ANKMY1: variants seen among roughly 807,000 people sequenced by gnomAD.
ANKMY1 encodes ankyrin repeat and MYND domain containing 1, also known as ankyrin repeat and MYND domain-containing protein 1.
Under a neutral mutation model 102.0 loss-of-function variants are expected in ANKMY1, and 98 were observed. The observed-to-expected ratio is 0.96, with a 90% CI of 0.82 to 1.14. The LOEUF (loss-of-function observed/expected upper bound fraction) is 1.14. Ranked by LOEUF, ANKMY1 falls within the 50% of genes most tolerant of loss-of-function variation. The pLI is 0.00. For missense variants in ANKMY1, 1,330 were observed against 1,347.6 expected (o/e 0.99, Z 0.20); for synonymous variants, 582 against 559.9 (o/e 1.04, Z -0.56).
At chr2:240,489,415 C>T (rs968948366) in intron 15 of ANKMY1, among the ~76,000 whole-genome samples, 6 of 151,762 alleles carry the variant, frequency 4.0e-5, no homozygotes, top group African/African-American at 1.5e-4. Context: ...TGAGATTGTG[C>T]CACTGCACTC....
upstream of ANKMY1, among the ~76,000 whole-genome samples, chr2:240,559,631 G>A (rs925865013): frequency 6.6e-6 from 1 of 152,242 alleles, no homozygotes; most frequent in South Asian, 2.1e-4. Context: ...TCCTAGGAAA[G>A]TTGGAGTCCT....
intron 15 of ANKMY1, among the ~76,000 whole-genome samples, chr2:240,496,430 A>C (rs2077281314): frequency 6.6e-6 from 1 of 151,838 alleles, no homozygotes; most frequent in Non-Finnish European, 1.5e-5. Flanking sequence ...GATGGTGTCC[A>C]CTTTCCCCTG....
chr2:240,515,167 C>T (rs759210747), intron 9 of ANKMY1, among the ~76,000 whole-genome samples: 17 of 152,154 alleles, frequency 1.1e-4, no homozygotes, highest in African/African-American at 3.1e-4. Context: ...ATCAAAAGTA[C>T]GTGGTTACAA....
chr2:240,484,722 G>A (rs1487017948), intron 15 of ANKMY1, among the ~76,000 whole-genome samples: 1 of 152,182 alleles, frequency 6.6e-6, no homozygotes, highest in East Asian at 1.9e-4. Context: ...TTAAAATAGG[G>A]CTTCTGCACA....
At chr2:240,534,649 A>C (rs972418637) in intron 4 of ANKMY1, among the ~76,000 whole-genome samples, 1 of 152,242 alleles carries the variant, frequency 6.6e-6, no homozygotes, top group Admixed American at 6.5e-5. Flanking sequence ...ACAGGGAGAT[A>C]TACTAATTCA....
the ANKMY1 span, among the ~76,000 whole-genome samples, chr2:240,471,394 G>A: frequency 6.6e-6 from 1 of 151,414 alleles, no homozygotes; most frequent in African/African-American, 2.4e-5. Context: ...AAGTAGCTGA[G>A]ATTACAAGAT....
At chr2:240,542,797 C>G (rs186715111) in intron 4 of ANKMY1, among the ~76,000 whole-genome samples, 2 of 149,358 alleles carry the variant, frequency 1.3e-5, no homozygotes, top group South Asian at 2.1e-4. Context: ...AATAAAAGAG[C>G]ACTTATAAAT....
chr2:240,553,211 C>T (rs1404204841), intron 3 of ANKMY1, 154 bp from the exon 4 acceptor site: 7 of 900,380 alleles, frequency 7.8e-6, no homozygotes, highest in South Asian at 3.4e-5. Context: ...CTATTAGAGT[C>T]GGCAACTGAA....
Position 240,524,446 on chromosome 2 carries a change from T to A in ANKMY1, c.1336-65A>T, listed in dbSNP as rs1012755831. The stretch of plus-strand genomic sequence containing the variant: ...GAGTGATAACCTCATTCTAGGACCT[T>A]CTTCAGCAAGGACCAATGCCCGTGG... On this transcript the variant is annotated intron_variant, in intron 7 of 17. Coordinates refer to ENST00000401804, the MANE Select transcript of ANKMY1 (RefSeq NM_001282771.3). 3.3e-6 allele frequency: 5 copies of A among 1,520,130 alleles called. No individual in the cohort carries two copies. The African/African-American group carries it at 7.0e-5, about 21-fold the overall frequency. 94.2% of individuals were successfully genotyped at this position (1,520,130 alleles called of 1,614,324 possible). A position where few individuals can be genotyped will look rare whatever the true frequency, so the allele number is the denominator to read the frequency against.
At chr2:240,547,257 T>C (rs185421055) in intron 4 of ANKMY1, among the ~76,000 whole-genome samples, 11 of 152,330 alleles carry the variant, frequency 7.2e-5, no homozygotes, top group African/African-American at 2.4e-4. Context: ...TGCTCCTGAA[T>C]GACTACTGGG....
At chr2:240,516,557 C>T (rs1043247838) in intron 9 of ANKMY1, among the ~76,000 whole-genome samples, 2 of 152,234 alleles carry the variant, frequency 1.3e-5, no homozygotes, top group Non-Finnish European at 2.9e-5. Context: ...TGTTGTCTGA[C>T]ACAGAAATAA....
At chr2:240,555,751 C>T (rs1381526779) in intron 2 of ANKMY1, among the ~76,000 whole-genome samples, 1 of 151,914 alleles carries the variant, frequency 6.6e-6, no homozygotes, top group South Asian at 2.1e-4. Flanking sequence ...GCATCTCAGA[C>T]CACAAAAGGC....
the ANKMY1 span, among the ~76,000 whole-genome samples, chr2:240,469,625 A>G: frequency 9.6e-6 from 1 of 104,226 alleles, no homozygotes; most frequent in African/African-American, 4.0e-5. Flanking sequence ...CCACACGAAC[A>G]TACACCCATC....
At chr2:240,557,149 C>T (rs116475941) in intron 2 of ANKMY1, 41 bp downstream of exon 2, 27,935 of 1,406,866 alleles carry the variant, frequency 0.02, 449 homozygotes, top group Middle Eastern at 0.074. Context: ...CCCTGGGCCC[C>T]AGGTCAGGGT....
chr2:240,501,630 C>T (rs929094094), intron 13 of ANKMY1, among the ~76,000 whole-genome samples: 2 of 152,222 alleles, frequency 1.3e-5, no homozygotes, highest in South Asian at 4.1e-4. Context: ...CTGTGACATG[C>T]GTAACACACA....
chr2:240,533,971 T>G (rs1391651483), intron 4 of ANKMY1, among the ~76,000 whole-genome samples: 1 of 152,162 alleles, frequency 6.6e-6, no homozygotes, highest in Non-Finnish European at 1.5e-5. Context: ...AAATGGAAAA[T>G]TCCAGAAATG....
chr2:240,493,518 T>A (rs1295698721), intron 15 of ANKMY1, among the ~76,000 whole-genome samples: 1 of 152,152 alleles, frequency 6.6e-6, no homozygotes, highest in Non-Finnish European at 1.5e-5. Flanking sequence ...TTTATGGTGT[T>A]GGTTGGGTAG....
At chr2:240,537,217 C>A (rs929440476) in intron 4 of ANKMY1, among the ~76,000 whole-genome samples, 4 of 152,108 alleles carry the variant, frequency 2.6e-5, no homozygotes, top group South Asian at 2.1e-4. Context: ...GTAATTGTTT[C>A]AAGGCCTTTT....
chr2:240,482,448 C>T lies in ANKMY1; in HGVS notation c.2807-187G>A, dbSNP rs147717110. On this transcript the variant is annotated intron_variant, in intron 15 of 17. Transcript: ENST00000401804. ...GCAGAGCGGGATGTGGACCTGGAGG[C>T]GCAGGGCAGTCCACAGGCTCCAGGG... Among the ~76,000 whole-genome samples the T allele has an allele frequency of 3.0e-4, 46 of 152,342 alleles. No individual in the cohort carries two copies. In the Middle Eastern group the frequency reaches 0.017, roughly 56 times the overall value.
Sources: gnomAD v4.1 joint callset for allele counts (sites outside exome capture counted in the v4.1 genomes callset) on GRCh38, gnomAD v4.1.1 for gene constraint, MANE v1.5 for transcripts, NCBI Gene and HGNC (gene_info 2026-07-23, HGNC 2026-07-21) for gene names.